The following GRM7 variants were observed in gnomAD, a reference collection of about 807,000 sequenced individuals.
GRM7 encodes the protein glutamate metabotropic receptor 7, also known as metabotropic glutamate receptor 7.
In GRM7, 35 loss-of-function variants were observed where a neutral mutation model predicts 84.5. That is an observed-to-expected ratio of 0.41 (90% CI 0.32 to 0.55). The LOEUF (loss-of-function observed/expected upper bound fraction) is 0.55, where lower values mean the gene tolerates loss of function less well. Ranked by LOEUF, GRM7 falls within the 20% of genes least tolerant of loss-of-function variation. The pLI, the probability that GRM7 is intolerant of heterozygous loss-of-function variation, is 0.19. For synonymous variants in GRM7, 487 were observed against 455.1 expected, an observed-to-expected ratio of 1.07 and a Z score of -0.89; for missense variants, 1,003 against 1,194.6, an observed-to-expected ratio of 0.84 and a Z score of 2.36.
chr3:7,083,071 G>T (rs6792992), intron 1 of GRM7, among the ~76,000 whole-genome samples: 10 of 151,908 alleles, frequency 6.6e-5, no homozygotes, highest in African/African-American at 9.7e-5. Context: ...GGCTTTGAGA[G>T]GATTGACTCC....
At chr3:7,654,637 A>C (rs1699099754) in intron 8 of GRM7, among the ~76,000 whole-genome samples, 1 of 152,222 alleles carries the variant, frequency 6.6e-6, no homozygotes, top group African/African-American at 2.4e-5. Context: ...CTTCTCCACT[A>C]ATCAGCTCTG....
intron 5 of GRM7, among the ~76,000 whole-genome samples, chr3:7,432,985 TGA>T (rs1696892788): frequency 1.3e-5 from 2 of 152,066 alleles, no homozygotes; most frequent in Admixed American, 1.3e-4. Context: ...TTTTCACAAC[TGA>T]AGAAAGACAA....
chr3:7,444,082 G>A (rs1046801568), intron 5 of GRM7, among the ~76,000 whole-genome samples: 6 of 152,126 alleles, frequency 3.9e-5, no homozygotes, highest in Non-Finnish European at 5.9e-5. Context: ...TTTTAGCAAC[G>A]ATTGATGGTA....
Position 7,734,174 on chromosome 3 carries a change from G to T in GRM7, c.2699-6183G>T, listed in dbSNP as rs144225149. On this transcript the variant is annotated intron_variant, in intron 9 of 9. Coordinates refer to ENST00000357716, the MANE Select transcript of GRM7 (RefSeq NM_000844.4). The stretch of plus-strand genomic sequence containing the variant: ...TTTCTCCAAATATGGTAACAGGTTT[G>T]CTGCCTCACCATCCACTGACCTACC... Among the ~76,000 whole-genome samples, 1,056 of 146,984 alleles carry T rather than the reference G, an allele frequency of 7.2e-3. 15 individuals carry two copies. The highest frequency in any genetic ancestry group is 0.025 in the African/African-American group (985 of 40,182).
chr3:7,379,603 A>AT (rs757580628), intron 4 of GRM7, among the ~76,000 whole-genome samples: 4 of 152,146 alleles, frequency 2.6e-5, no homozygotes, highest in Non-Finnish European at 5.9e-5. Context: ...TTCCCTATAT[A>AT]TTTTTTCTTA....
chr3:7,333,079 A>C (rs1430741794), intron 4 of GRM7, among the ~76,000 whole-genome samples: 1 of 152,164 alleles, frequency 6.6e-6, no homozygotes, highest in African/African-American at 2.4e-5. Context: ...AACTCATAAC[A>C]GAACAACCCT....
At chr3:7,474,462 A>G (rs1050051234) in intron 7 of GRM7, among the ~76,000 whole-genome samples, 1 of 151,716 alleles carries the variant, frequency 6.6e-6, no homozygotes, top group Non-Finnish European at 1.5e-5. Context: ...AAAAATTGAC[A>G]ATTGAGAGTA....
chr3:7,114,365 T>G (rs1002586917), intron 1 of GRM7, among the ~76,000 whole-genome samples: 2 of 152,164 alleles, frequency 1.3e-5, no homozygotes, highest in African/African-American at 4.8e-5. Flanking sequence ...ATAATCATTA[T>G]AAAATACAGT....
chr3:7,644,213 C>CGTAT (rs879687003), intron 8 of GRM7, among the ~76,000 whole-genome samples: 32 of 134,768 alleles, frequency 2.4e-4, no homozygotes, highest in African/African-American at 3.8e-4. Context: ...TATGTCTGTA[C>CGTAT]ATATATATGT....
At chr3:7,180,495 C>T (rs953515228) in intron 2 of GRM7, among the ~76,000 whole-genome samples, 2 of 152,018 alleles carry the variant, frequency 1.3e-5, no homozygotes, top group Non-Finnish European at 2.9e-5. Flanking sequence ...TTTTAATATC[C>T]CCCGGCAACT....
At chr3:7,058,819 T>C (rs1260190162) in intron 1 of GRM7, among the ~76,000 whole-genome samples, 2 of 151,854 alleles carry the variant, frequency 1.3e-5, no homozygotes, top group South Asian at 2.1e-4. Flanking sequence ...CCTGATTGGC[T>C]AGCAACTTAG....
At chr3:7,598,696 T>C (rs145129088) in intron 8 of GRM7, among the ~76,000 whole-genome samples, 405 of 152,258 alleles carry the variant, frequency 2.7e-3, no homozygotes, top group African/African-American at 9.2e-3. Flanking sequence ...AAAATCCTAT[T>C]GGCAATTCTG....
At chr3:7,169,097 CT>C (rs1694900307) in intron 2 of GRM7, among the ~76,000 whole-genome samples, 1 of 152,190 alleles carries the variant, frequency 6.6e-6, no homozygotes, top group Admixed American at 6.5e-5. Context: ...GTGTCCTTTG[CT>C]GTTCCAGTGG....
chr3:6,952,163 G>C (rs545448549), intron 1 of GRM7, among the ~76,000 whole-genome samples: 3 of 152,216 alleles, frequency 2.0e-5, no homozygotes, highest in African/African-American at 7.2e-5. Flanking sequence ...TCATTCTGGT[G>C]TTCCTTCCAA....
intron 9 of GRM7, among the ~76,000 whole-genome samples, chr3:7,723,651 C>A (rs187634830): frequency 6.6e-6 from 1 of 152,148 alleles, no homozygotes; most frequent in East Asian, 1.9e-4. Context: ...GATTTCAACA[C>A]GAGCCTCGGT....
At chr3:7,599,686 G>A (rs1365295287) in intron 8 of GRM7, among the ~76,000 whole-genome samples, 1 of 152,110 alleles carries the variant, frequency 6.6e-6, no homozygotes, top group South Asian at 2.1e-4. Context: ...ACGGAGGGGG[G>A]ATTGTCAGAA....
At chr3:7,595,103 T>C (rs1003404731) in intron 8 of GRM7, among the ~76,000 whole-genome samples, 1 of 152,230 alleles carries the variant, frequency 6.6e-6, no homozygotes, top group African/African-American at 2.4e-5. Flanking sequence ...ATATCGACTT[T>C]GTGCCTGGCA....
chr3:7,697,126 T>A (rs1202480183), intron 9 of GRM7, among the ~76,000 whole-genome samples: 1 of 152,134 alleles, frequency 6.6e-6, no homozygotes, highest in African/African-American at 2.4e-5. Context: ...TATACATTTT[T>A]AAAAATATTG....
intron 2 of GRM7, among the ~76,000 whole-genome samples, chr3:7,276,227 G>A (rs1699049996): frequency 6.6e-6 from 1 of 151,154 alleles, no homozygotes; most frequent in Non-Finnish European, 1.5e-5. Flanking sequence ...GTGTGTGTGT[G>A]TGTGTGTGTG....
Sources: gnomAD v4.1 joint callset for allele counts (sites outside exome capture counted in the v4.1 genomes callset) on GRCh38, gnomAD v4.1.1 for gene constraint, MANE v1.5 for transcripts, NCBI Gene and HGNC (gene_info 2026-07-23, HGNC 2026-07-21) for gene names.